BCKDHB: variants seen among roughly 807,000 people sequenced by gnomAD.
BCKDHB encodes the protein 2-oxoisovalerate dehydrogenase subunit beta, mitochondrial.
In BCKDHB, 41 loss-of-function variants were observed where a neutral mutation model predicts 48.5. The ratio of observed to expected loss-of-function variants is 0.85; its 90% CI spans 0.66 to 1.10. The LOEUF (loss-of-function observed/expected upper bound fraction) is 1.10, where lower values mean the gene tolerates loss of function less well. Ranked by LOEUF, BCKDHB falls within the 50% of genes least tolerant of loss-of-function variation. The pLI is 0.00. For missense variants in BCKDHB, 496 were observed against 494.2 expected, an observed-to-expected ratio of 1.00 and a Z score of -0.03; for synonymous variants, 201 against 174.8, an observed-to-expected ratio of 1.15 and a Z score of -1.18.
rs1222797950 is a variant in BCKDHB, at chr6:80,171,317, ACTT to A, written c.673_675del (p.Leu226del). The A allele has an allele frequency of 6.2e-7, 1 of 1,608,990 alleles. No individual in the cohort carries two copies. Among genetic ancestry groups the A allele is most frequent in the East Asian group, 2.2e-5 (1 of 44,630 alleles). On this transcript the variant is annotated inframe_deletion, in exon 6 of 10. Transcript: ENST00000320393. ...CCAGAAGCCCTTTCCAGGCCAAAGG[ACTT>A]CTTTTGTCATGCATAGAGGATAAAA...
the BCKDHB span, among the ~76,000 whole-genome samples, chr6:80,456,418 A>G: frequency 6.6e-6 from 1 of 152,062 alleles, no homozygotes; most frequent in Admixed American, 6.6e-5. Context: ...CTGCCCCATC[A>G]TTCACACTTC....
At chr6:80,202,630 A>G (rs1405549462) in intron 7 of BCKDHB, among the ~76,000 whole-genome samples, 3 of 151,928 alleles carry the variant, frequency 2.0e-5, no homozygotes, top group Non-Finnish European at 2.9e-5. Flanking sequence ...AGTTTCTGCA[A>G]TACACTGTCT....
chr6:80,306,495 A>G (rs951060598), intron 9 of BCKDHB, among the ~76,000 whole-genome samples: 2 of 152,340 alleles, frequency 1.3e-5, no homozygotes, highest in Non-Finnish European at 1.5e-5. Context: ...CATAAAGAAT[A>G]TAGGATTTTC....
At chr6:80,274,431 T>C (rs1344585552) in intron 9 of BCKDHB, among the ~76,000 whole-genome samples, 2 of 152,004 alleles carry the variant, frequency 1.3e-5, no homozygotes, top group Middle Eastern at 3.2e-3. Flanking sequence ...GTACCTAGTA[T>C]TTATTGTGTA....
the BCKDHB span, among the ~76,000 whole-genome samples, chr6:80,435,908 C>T: frequency 1.3e-5 from 2 of 152,216 alleles, no homozygotes; most frequent in South Asian, 2.1e-4. Context: ...TGGCGCATGC[C>T]TGTAATCCCA....
chr6:80,447,331 C>T, the BCKDHB span, among the ~76,000 whole-genome samples: 1 of 151,722 alleles, frequency 6.6e-6, no homozygotes, highest in African/African-American at 2.4e-5. Context: ...TGTATTTTGC[C>T]TTTTTAAAAA....
Position 80,168,207 on chromosome 6 carries a change from A to T in BCKDHB, c.477+396A>T, listed in dbSNP as rs1344813808. On this transcript the variant is annotated intron_variant, in intron 4 of 9. Transcript: ENST00000320393. ...TGGCTGAGGCAGGAGGATAACTTAA[A>T]CCAGGAGTCCAAGGCTACAATGAAC... Among the ~76,000 whole-genome samples, 4 of 151,880 alleles carry T rather than the reference A, an allele frequency of 2.6e-5. No individual in the cohort carries two copies. The East Asian group carries it at 7.7e-4, about 29-fold the overall frequency.
At chr6:80,323,997 C>T (rs1265599970) in intron 9 of BCKDHB, among the ~76,000 whole-genome samples, 1 of 152,176 alleles carries the variant, frequency 6.6e-6, no homozygotes, top group African/African-American at 2.4e-5. Flanking sequence ...TGGTCTCGAT[C>T]TCCTGACCTC....
At chr6:80,306,819 T>G (rs1165977053) in intron 9 of BCKDHB, among the ~76,000 whole-genome samples, 1 of 152,200 alleles carries the variant, frequency 6.6e-6, no homozygotes, top group East Asian at 1.9e-4. Context: ...CCCAGCTTCC[T>G]TGTGGAAGTT....
chr6:80,464,665 T>C, the BCKDHB span, among the ~76,000 whole-genome samples: 1 of 152,208 alleles, frequency 6.6e-6, no homozygotes, highest in South Asian at 2.1e-4. Flanking sequence ...TTCATACTAT[T>C]CTTCCAACAT....
intron 8 of BCKDHB, among the ~76,000 whole-genome samples, chr6:80,248,539 G>T (rs1776705771): frequency 6.6e-6 from 1 of 152,130 alleles, no homozygotes; most frequent in Non-Finnish European, 1.5e-5. Context: ...TATGGTATGA[G>T]CCCAGAATGC....
At chr6:80,133,625 A>C (rs1415101063) in intron 3 of BCKDHB, among the ~76,000 whole-genome samples, 1 of 151,950 alleles carries the variant, frequency 6.6e-6, no homozygotes. Context: ...TTTTATGTTG[A>C]ATGCCACACA....
chr6:80,458,499 G>A, the BCKDHB span, among the ~76,000 whole-genome samples: 1 of 152,192 alleles, frequency 6.6e-6, no homozygotes, highest in Non-Finnish European at 1.5e-5. Flanking sequence ...CTTGGACTCT[G>A]AAGTCAGAGA....
intron 9 of BCKDHB, among the ~76,000 whole-genome samples, chr6:80,299,564 C>T (rs780008125): frequency 6.6e-6 from 1 of 152,158 alleles, no homozygotes; most frequent in South Asian, 2.1e-4. Flanking sequence ...AGAAAGTAAA[C>T]TTTATAGAAA....
chr6:80,322,966 G>C (rs1199472049), intron 9 of BCKDHB, among the ~76,000 whole-genome samples: 1 of 135,996 alleles, frequency 7.4e-6, no homozygotes, highest in Non-Finnish European at 1.5e-5. Context: ...TAATCTTGAT[G>C]AATCAATTAT....
At chr6:80,244,825 G>T (rs1473869139) in intron 8 of BCKDHB, among the ~76,000 whole-genome samples, 1 of 152,150 alleles carries the variant, frequency 6.6e-6, no homozygotes, top group Non-Finnish European at 1.5e-5. Flanking sequence ...TTGAACAAAA[G>T]ATAACTGTTT....
At chr6:80,320,418 T>C (rs1345795932) in intron 9 of BCKDHB, among the ~76,000 whole-genome samples, 1 of 152,214 alleles carries the variant, frequency 6.6e-6, no homozygotes, top group Non-Finnish European at 1.5e-5. Context: ...TTTCTCTTTT[T>C]TCATACATCT....
the BCKDHB span, among the ~76,000 whole-genome samples, chr6:80,415,505 C>G: frequency 2.0e-5 from 3 of 152,038 alleles, no homozygotes. Flanking sequence ...TATCAAAAGC[C>G]TTTTCTGAAT....
chr6:80,254,858 T>C (rs1237961433), intron 8 of BCKDHB, among the ~76,000 whole-genome samples: 4 of 152,186 alleles, frequency 2.6e-5, no homozygotes, highest in African/African-American at 9.7e-5. Context: ...TTTTGGACTT[T>C]TGGCCTCCTG....
Sources: gnomAD v4.1 joint callset for allele counts (sites outside exome capture counted in the v4.1 genomes callset) on GRCh38, gnomAD v4.1.1 for gene constraint, MANE v1.5 for transcripts, NCBI Gene and HGNC (gene_info 2026-07-23, HGNC 2026-07-21) for gene names.